THBS4: variants seen among roughly 807,000 people sequenced by gnomAD.
THBS4 encodes thrombospondin-4.
Under a neutral mutation model 115.7 loss-of-function variants are expected in THBS4, and 90 were observed. The observed-to-expected ratio is 0.78, with a 90% CI of 0.66 to 0.93. The LOEUF (loss-of-function observed/expected upper bound fraction) is 0.93, where lower values mean the gene tolerates loss of function less well. THBS4 is among the 40% of genes least tolerant of loss of function. THBS4 has a pLI of 0.00. For missense variants in THBS4, 1,087 were observed against 1,232.7 expected (o/e 0.88, Z 1.77); for synonymous variants, 460 against 479.3 (o/e 0.96, Z 0.53).
chr5:80,070,279 G>T (rs1833986472), intron 10 of THBS4, 27 bp from the exon 11 acceptor site: 1 of 1,534,392 alleles, frequency 6.5e-7, no homozygotes, highest in Non-Finnish European at 8.7e-7. Context: ...CAGCTTCCCA[G>T]GCCTCTGATG....
At chr5:80,003,051 T>G (rs1270052862) in intron 2 of THBS4, among the ~76,000 whole-genome samples, 1 of 152,126 alleles carries the variant, frequency 6.6e-6, no homozygotes, top group African/African-American at 2.4e-5. Flanking sequence ...AATTCCATAT[T>G]ATGATCTGTT....
upstream of THBS4, among the ~76,000 whole-genome samples, chr5:80,033,730 T>C (rs1832632171): frequency 6.6e-6 from 1 of 152,242 alleles, no homozygotes; most frequent in African/African-American, 2.4e-5. Context: ...GCTTGCTTGG[T>C]GACTCATTTA....
intron 1 of THBS4, among the ~76,000 whole-genome samples, chr5:79,992,760 C>T (rs555910627): frequency 2.6e-5 from 4 of 152,212 alleles, no homozygotes; most frequent in African/African-American, 4.8e-5. Flanking sequence ...CAGATAATCA[C>T]GAGTAGGGTT....
intron 1 of THBS4, among the ~76,000 whole-genome samples, chr5:80,039,244 A>AGAT (rs1207098769): frequency 6.6e-6 from 1 of 152,238 alleles, no homozygotes; most frequent in Non-Finnish European, 1.5e-5. Flanking sequence ...GTCTGCTAAT[A>AGAT]GATATACTAA....
intron 19 of THBS4, among the ~76,000 whole-genome samples, 161 bp from the exon 20 acceptor site, chr5:80,079,744 C>T (rs889557648): frequency 6.6e-6 from 1 of 152,194 alleles, no homozygotes; most frequent in Non-Finnish European, 1.5e-5. Context: ...AGGTTGGGGT[C>T]ACCTCCATAG....
chr5:80,014,939 G>A (rs1217951029), intron 2 of THBS4, among the ~76,000 whole-genome samples: 2 of 152,186 alleles, frequency 1.3e-5, no homozygotes, highest in African/African-American at 2.4e-5. Flanking sequence ...AATAACTGAC[G>A]TCTTTTCTTT....
intron 2 of THBS4, among the ~76,000 whole-genome samples, chr5:80,008,604 T>G (rs527540339): frequency 6.6e-6 from 1 of 151,938 alleles, no homozygotes; most frequent in South Asian, 2.1e-4. Context: ...GCCAATTAAT[T>G]TGGAAAATAC....
chr5:80,009,271 T>C (rs758650960), intron 2 of THBS4, among the ~76,000 whole-genome samples: 9 of 152,202 alleles, frequency 5.9e-5, no homozygotes, highest in Non-Finnish European at 1.2e-4. Context: ...AATAATTATA[T>C]GTGTGTGTCC....
intron 2 of THBS4, among the ~76,000 whole-genome samples, chr5:80,002,203 G>A (rs1831913043): frequency 6.6e-6 from 1 of 152,072 alleles, no homozygotes. Context: ...CCTACAACAG[G>A]CGTTTTGTTC....
Position 80,071,139 on chromosome 5 carries a change from A to G in THBS4, c.1679A>G (p.Asp560Gly). 1 of 1,603,014 alleles carries G rather than the reference A, an allele frequency of 6.2e-7. No homozygotes were observed. The highest frequency in any genetic ancestry group is 8.5e-7 in the Non-Finnish European group (1 of 1,177,192). The change falls in exon 13 of 22, where the codon GAT becomes GGT. Residue 560 changes from aspartate to glycine, a missense_variant. Coordinates refer to ENST00000350881, the MANE Select transcript of THBS4 (RefSeq NM_003248.6). ...AACGACCAGAAAGACACCGATGGGG[A>G]TGGAAGAGGAGATGCCTGTGATGAT... ...LNNDQKDTDG[D>G]GRGDACDDDM...
At chr5:80,010,439 C>T (rs564336109) in intron 2 of THBS4, among the ~76,000 whole-genome samples, 2 of 152,322 alleles carry the variant, frequency 1.3e-5, no homozygotes, top group Non-Finnish European at 2.9e-5. Context: ...GGTACTTTGA[C>T]CCAAGTACTT....
At chr5:80,048,247 C>G (rs1833138328) in intron 2 of THBS4, among the ~76,000 whole-genome samples, 1 of 152,150 alleles carries the variant, frequency 6.6e-6, no homozygotes, top group Non-Finnish European at 1.5e-5. Flanking sequence ...ACAGAGGAAA[C>G]AGATATTGGC....
chr5:80,081,163 A>G (rs1743487217), intron 20 of THBS4, among the ~76,000 whole-genome samples: 1 of 152,224 alleles, frequency 6.6e-6, no homozygotes, highest in Non-Finnish European at 1.5e-5. Context: ...CATTCTCCTC[A>G]TCAGGGCAGG....
chr5:80,007,718 G>A (rs184506475), intron 2 of THBS4, among the ~76,000 whole-genome samples: 1 of 152,328 alleles, frequency 6.6e-6, no homozygotes, highest in East Asian at 1.9e-4. Context: ...TAAGCCAGTG[G>A]CAGAACCTCA....
intron 2 of THBS4, among the ~76,000 whole-genome samples, chr5:80,049,432 G>A (rs1200757799): frequency 6.6e-6 from 1 of 152,060 alleles, no homozygotes; most frequent in Non-Finnish European, 1.5e-5. Flanking sequence ...TGTTATTGTT[G>A]TTATCCTTAG....
chr5:80,002,745 GAAAAA>G (rs56899578), intron 2 of THBS4, among the ~76,000 whole-genome samples: 1 of 100,384 alleles, frequency 1.0e-5, no homozygotes, highest in African/African-American at 4.0e-5. Flanking sequence ...CCAGAAGGGA[GAAAAA>G]AAAAAAAAAA....
At chr5:80,065,571 C>T (rs1388507310) in intron 9 of THBS4, 94 bp downstream of exon 9, 11 of 1,136,614 alleles carry the variant, frequency 9.7e-6, no homozygotes, top group Middle Eastern at 2.0e-4. Context: ...ACACCTAGAA[C>T]ATGTGGGCAT....
At position 80,083,052 on chromosome 5, in the gene THBS4, A is replaced by G. The variant is rs750744699; in HGVS notation, c.2825-28A>G. 4 of 1,601,174 alleles carry G rather than the reference A, an allele frequency of 2.5e-6. No individual in the cohort carries two copies. The South Asian group carries it at 4.4e-5, about 18-fold the overall frequency. On this transcript the variant is annotated intron_variant, in intron 21 of 21. Transcript: ENST00000350881. Reference sequence around the variant, plus strand: ...GGTCCGGGGTGGAAGGAGCCTCGCTAACCTCCCTGTGCCCATTCCTATTGC... The same window carrying G: ...GGTCCGGGGTGGAAGGAGCCTCGCTGACCTCCCTGTGCCCATTCCTATTGC...
rs1833899537 is a variant in THBS4 at position 80,068,069 on chromosome 5, C to T, written c.1291C>T (p.Pro431Ser). 6.2e-7 allele frequency: 1 copy of T among 1,614,030 alleles called. No homozygotes were observed. Among genetic ancestry groups the T allele is most frequent in the Admixed American group, 1.7e-5 (1 of 59,996 alleles). Reference protein sequence around the residue: ...ERNCRNPELNPCSVNAQCIEE... With the variant: ...ERNCRNPELNSCSVNAQCIEE... ...AAACTGCAGAAACCCAGAGCTGAACCCTTGCAGTGTGAATGCCCAGTGCAT... is the reference window on the plus strand; with the variant it reads ...AAACTGCAGAAACCCAGAGCTGAACTCTTGCAGTGTGAATGCCCAGTGCAT... Residue 431 changes from proline to serine, a missense_variant, in exon 10 of 22, where the codon CCT (proline) becomes TCT (serine). Around this residue, in one of 3 missense-constraint regions of THBS4, gnomAD observed 979 missense variants for 1,103.7 expected, o/e 0.89. Coordinates refer to ENST00000350881, the MANE Select transcript of THBS4 (RefSeq NM_003248.6).
Sources: allele counts gnomAD v4.1 joint callset (sites outside exome capture counted in the v4.1 genomes callset), GRCh38; gene constraint gnomAD v4.1.1; regional missense constraint gnomAD v4.1.1; transcripts MANE v1.5; gene names NCBI Gene and HGNC (gene_info 2026-07-23, HGNC 2026-07-21).